The following NBEA variants were observed in gnomAD, a reference collection of about 807,000 sequenced individuals.
NBEA encodes the protein lysosomal-trafficking regulator 2.
A neutral mutation model predicts 343.4 loss-of-function variants in NBEA; 44 were observed. The observed-to-expected ratio is 0.13, with a 90% confidence interval of 0.10 to 0.16. NBEA has a LOEUF of 0.16. NBEA is among the 10% of genes least tolerant of loss of function. The pLI, the probability that NBEA is intolerant of heterozygous loss-of-function variation, is 1.00. For synonymous variants in NBEA, 1,175 were observed against 1,238.7 expected, an observed-to-expected ratio of 0.95 and a Z score of 1.08; for missense variants, 2,555 against 3,631.3, an observed-to-expected ratio of 0.70 and a Z score of 7.62.
intron 46 of NBEA, among the ~76,000 whole-genome samples, chr13:35,592,620 CACAG>C (rs974371345): frequency 3.9e-5 from 6 of 152,036 alleles, no homozygotes; most frequent in Admixed American, 6.6e-5. Flanking sequence ...TAGGGAACAT[CACAG>C]ACAAAGGACA....
intron 55 of NBEA, among the ~76,000 whole-genome samples, chr13:35,660,389 C>T (rs2085031485): frequency 6.6e-6 from 1 of 152,096 alleles, no homozygotes; most frequent in East Asian, 1.9e-4. Context: ...GAGGATTTAC[C>T]GTTCATCTTT....
chr13:35,347,440 T>C lies in NBEA; in HGVS notation c.5904-1668T>C, dbSNP rs569433250. On this transcript the variant is annotated intron_variant, in intron 36 of 58. Coordinates refer to ENST00000379939, the MANE Select transcript of NBEA (RefSeq NM_001385012.1). ...AAGGAATATGAGGATTAGAATGAAA[T>C]TTAAAAAGGACATAGACAAAGGAAC... Among the ~76,000 whole-genome samples the C allele has an allele frequency of 1.1e-4, 17 of 152,094 alleles. No homozygotes were observed. In the South Asian group the frequency reaches 3.3e-3, roughly 30 times the overall value.
At chr13:35,354,711 C>T (rs2040395447) in intron 38 of NBEA, among the ~76,000 whole-genome samples, 1 of 152,162 alleles carries the variant, frequency 6.6e-6, no homozygotes, top group Admixed American at 6.6e-5. Flanking sequence ...ATTTGATTAA[C>T]TAATAGGGCT....
intron 18 of NBEA, among the ~76,000 whole-genome samples, chr13:35,148,959 A>G (rs2068602807): frequency 6.6e-6 from 1 of 152,160 alleles, no homozygotes. Context: ...GCTCTATAAT[A>G]TTACTTTTAA....
chr13:35,530,023 T>A (rs2078177849), intron 41 of NBEA, among the ~76,000 whole-genome samples: 1 of 152,180 alleles, frequency 6.6e-6, no homozygotes, highest in Admixed American at 6.5e-5. Context: ...TCTGTTTGGA[T>A]AGAGATGGAG....
At chr13:35,381,690 C>T (rs1452890019) in intron 38 of NBEA, among the ~76,000 whole-genome samples, 3 of 151,970 alleles carry the variant, frequency 2.0e-5, no homozygotes, top group Non-Finnish European at 4.4e-5. Flanking sequence ...CCTGGTTCTA[C>T]CTGGTTCTGT....
chr13:35,572,863 G>A (rs2080507236), intron 45 of NBEA, among the ~76,000 whole-genome samples: 2 of 151,994 alleles, frequency 1.3e-5, no homozygotes, highest in Non-Finnish European at 2.9e-5. Context: ...CTTTTTCACT[G>A]TAAGTTAACA....
At chr13:35,378,732 G>A (rs535533778) in intron 38 of NBEA, among the ~76,000 whole-genome samples, 3 of 151,092 alleles carry the variant, frequency 2.0e-5, no homozygotes, top group Non-Finnish European at 4.4e-5. Flanking sequence ...AAAACTGAAG[G>A]CACCTATGCA....
chr13:35,662,266 A>C lies in NBEA; in HGVS notation c.8363-2819A>C, dbSNP rs557676525. Among the ~76,000 whole-genome samples the C allele has an allele frequency of 7.2e-5, 11 of 152,288 alleles. No individual in the cohort carries two copies. The South Asian group carries it at 2.3e-3, about 32-fold the overall frequency. ...TAAAAATTGGACGTGTTTGTTCTTC[A>C]TCAGTTCTAGTCATTCCAGCACACG... On this transcript the variant is annotated intron_variant, in intron 55 of 58. Coordinates refer to ENST00000379939, the MANE Select transcript of NBEA (RefSeq NM_001385012.1).
intron 7 of NBEA, 77 bp downstream of exon 7, chr13:35,056,206 A>G: frequency 4.2e-6 from 5 of 1,200,512 alleles, no homozygotes; most frequent in Non-Finnish European, 5.4e-6. Flanking sequence ...ATTAAATAAT[A>G]AAATAGTTTG....
At chr13:35,044,837 G>T (rs546510305) in intron 2 of NBEA, 110 bp from the exon 3 acceptor site, 429 of 572,792 alleles carry the variant, frequency 7.5e-4, no homozygotes, top group South Asian at 3.0e-3. Flanking sequence ...TATAGAGAGA[G>T]AGAGAGAGAG....
intron 41 of NBEA, among the ~76,000 whole-genome samples, chr13:35,502,276 A>G (rs1398204547): frequency 6.6e-6 from 1 of 152,176 alleles, no homozygotes; most frequent in Non-Finnish European, 1.5e-5. Context: ...AACTGAAAAT[A>G]TTTCTGCATA....
chr13:35,502,501 T>C (rs979603665), intron 41 of NBEA, among the ~76,000 whole-genome samples: 4 of 149,840 alleles, frequency 2.7e-5, no homozygotes, highest in African/African-American at 9.8e-5. Flanking sequence ...TTCCCTGGGT[T>C]TTTTTTTTTC....
At chr13:35,138,869 G>A (rs369028221) in intron 17 of NBEA, among the ~76,000 whole-genome samples, 8 of 151,864 alleles carry the variant, frequency 5.3e-5, no homozygotes, top group African/African-American at 1.9e-4. Flanking sequence ...AATTTCCATT[G>A]TATTCCTCTC....
intron 1 of NBEA, among the ~76,000 whole-genome samples, chr13:35,033,730 A>G (rs2062329987): frequency 6.6e-6 from 1 of 151,816 alleles, no homozygotes; most frequent in Admixed American, 6.6e-5. Flanking sequence ...TTCTTGGAGT[A>G]CATTAACTCC....
At chr13:35,582,302 A>C (rs969700694) in intron 45 of NBEA, among the ~76,000 whole-genome samples, 3 of 152,214 alleles carry the variant, frequency 2.0e-5, no homozygotes, top group Non-Finnish European at 2.9e-5. Flanking sequence ...ATAAACAAAT[A>C]AATAAAATAA....
chr13:35,502,609 C>A (rs939713795), intron 41 of NBEA, among the ~76,000 whole-genome samples: 1 of 151,852 alleles, frequency 6.6e-6, no homozygotes, highest in Non-Finnish European at 1.5e-5. Context: ...GTGCTGGGAC[C>A]AGATCCTCTG....
intron 14 of NBEA, 142 bp downstream of exon 14, chr13:35,117,635 T>G (rs2066566328): frequency 3.0e-6 from 1 of 335,156 alleles, no homozygotes; most frequent in South Asian, 1.3e-4. Flanking sequence ...AGTATTCACT[T>G]TTATTGAACT....
At chr13:35,271,361 A>T (rs1421695588) in intron 34 of NBEA, among the ~76,000 whole-genome samples, 1 of 152,230 alleles carries the variant, frequency 6.6e-6, no homozygotes, top group East Asian at 1.9e-4. Context: ...GGTCACCAAC[A>T]TCAAAGACCA....
Sources: gnomAD v4.1 joint callset for allele counts (sites outside exome capture counted in the v4.1 genomes callset) on GRCh38, gnomAD v4.1.1 for gene constraint, MANE v1.5 for transcripts, NCBI Gene and HGNC (gene_info 2026-07-23, HGNC 2026-07-21) for gene names.